Variants in PPP5C observed in about 807,000 individuals in gnomAD.
PPP5C encodes the protein protein phosphatase 5 catalytic subunit.
In PPP5C, 21 loss-of-function variants were observed where a neutral mutation model predicts 66.7. The observed-to-expected ratio is 0.31, with a 90% confidence interval of 0.22 to 0.45. The LOEUF (loss-of-function observed/expected upper bound fraction) is 0.45. Among genes scored for constraint, PPP5C ranks in the 20% least tolerant of loss-of-function variants. The probability of loss-of-function intolerance (pLI) is 1.00; values close to 1 mark genes in which losing one functional copy is unlikely to be tolerated. For synonymous variants in PPP5C, 246 were observed against 257.4 expected, an observed-to-expected ratio of 0.96 and a Z score of 0.43; for missense variants, 464 against 675.9, an observed-to-expected ratio of 0.69 and a Z score of 3.48.
Position 46,369,633 on chromosome 19 carries a change from A to AG in PPP5C, c.364-5971_364-5970insG, listed in dbSNP as rs1220033470. Reference sequence around the variant, plus strand: ...GGTGACAGGGCGAGACTCTGTCTCAAAAAAAAAAAAAAGGCCAGGCATGGT... The same window carrying AG: ...GGTGACAGGGCGAGACTCTGTCTCAAGAAAAAAAAAAAAGGCCAGGCATGGT... On this transcript the variant is annotated intron_variant, in intron 2 of 12. Coordinates refer to ENST00000012443, the MANE Select transcript of PPP5C (RefSeq NM_006247.4). 4.2e-5 allele frequency among the ~76,000 whole-genome samples: 6 copies of AG among 141,782 alleles called. No individual in the cohort carries two copies. The East Asian group carries it at 1.2e-3, about 28-fold the overall frequency. 93.0% of individuals were successfully genotyped at this position (141,782 alleles called of 152,430 possible). A position where few individuals can be genotyped will look rare whatever the true frequency, so the allele number is the denominator to read the frequency against.
At chr19:46,371,998 T>G (rs945099837) in intron 2 of PPP5C, among the ~76,000 whole-genome samples, 13 of 152,186 alleles carry the variant, frequency 8.5e-5, no homozygotes, top group Admixed American at 8.5e-4. Context: ...CTGGTAAGTT[T>G]GGGCAGCTCG....
At chr19:46,364,922 C>CG (rs1465680818) in intron 2 of PPP5C, among the ~76,000 whole-genome samples, 1 of 125,214 alleles carries the variant, frequency 8.0e-6, no homozygotes, top group Non-Finnish European at 1.7e-5. Flanking sequence ...GTTTCGGGGC[C>CG]GGGGCGGGGG....
Position 46,376,429 on chromosome 19 carries a change from C to T in PPP5C, c.512-24C>T, listed in dbSNP as rs1193468368. 4 of 1,610,706 alleles carry T rather than the reference C, an allele frequency of 2.5e-6. No homozygotes were observed. Among genetic ancestry groups the T allele is most frequent in the African/African-American group, 1.3e-5 (1 of 74,840 alleles). ...CATAGTGGCTGTGGTCACTGACTCT[C>T]GTGTCCCGTTGTTCACACCCTAGCC... On this transcript the variant is annotated intron_variant, in intron 3 of 12. Coordinates refer to ENST00000012443, the MANE Select transcript of PPP5C (RefSeq NM_006247.4). The surrounding 1 kb of genome is among the most constrained non-coding windows in gnomAD (Gnocchi z 5.1).
At chr19:46,355,107 A>G (rs1456381500) in intron 2 of PPP5C, among the ~76,000 whole-genome samples, 1 of 152,196 alleles carries the variant, frequency 6.6e-6, no homozygotes, top group Non-Finnish European at 1.5e-5. Context: ...AGTGACCCCC[A>G]CCTGGTTAGT....
intron 1 of PPP5C, among the ~76,000 whole-genome samples, chr19:46,348,189 A>G (rs1972118563): frequency 6.6e-6 from 1 of 152,036 alleles, no homozygotes; most frequent in South Asian, 2.1e-4. Context: ...GGGGAATGAA[A>G]GGGTACTGGC....
In PPP5C at chr19:46,376,378, C is replaced by A; in HGVS notation, c.512-75C>A. 6.4e-7 allele frequency: 1 copy of A among 1,565,372 alleles called. No individual in the cohort carries two copies. The highest frequency in any genetic ancestry group is 8.7e-7 in the Non-Finnish European group (1 of 1,149,340). The stretch of plus-strand genomic sequence containing the variant: ...TGTCCACACCCAAGTTTTCCCCATC[C>A]CTGGGAGCGAGACCCCCTTCTCCCT... On this transcript the variant is annotated intron_variant, in intron 3 of 12. Coordinates refer to ENST00000012443, the MANE Select transcript of PPP5C (RefSeq NM_006247.4). The surrounding 1 kb of genome is among the most constrained non-coding windows in gnomAD (Gnocchi z 5.1).
At position 46,382,949 on chromosome 19, in the gene PPP5C, T is replaced by A. The variant is rs951541086; in HGVS notation, c.634-462T>A. 21 of 1,089,050 alleles carry A rather than the reference T, an allele frequency of 1.9e-5. No homozygotes were observed. The South Asian group carries it at 5.2e-4, about 27-fold the overall frequency. 67.5% of individuals were successfully genotyped at this position (1,089,050 alleles called of 1,614,324 possible). Reference sequence around the variant, plus strand: ...CCCAGCTCTCCCCAAAACATCCTTTTTAGCTGCTTTTAAAAAATTCAGCGT... The same window carrying A: ...CCCAGCTCTCCCCAAAACATCCTTTATAGCTGCTTTTAAAAAATTCAGCGT... On this transcript the variant is annotated intron_variant, in intron 4 of 12. Transcript: ENST00000012443.
intron 2 of PPP5C, among the ~76,000 whole-genome samples, chr19:46,356,741 TGGAG>T (rs1392327588): frequency 2.6e-5 from 4 of 152,374 alleles, no homozygotes; most frequent in Admixed American, 6.5e-5. Context: ...GTTCATTGTT[TGGAG>T]GAAGTGTGTA....
chr19:46,368,384 C>A (rs1972526745), intron 2 of PPP5C, among the ~76,000 whole-genome samples: 1 of 152,250 alleles, frequency 6.6e-6, no homozygotes, highest in Non-Finnish European at 1.5e-5. Flanking sequence ...TTCTCCATCC[C>A]TGTCCGTAAG....
intron 2 of PPP5C, among the ~76,000 whole-genome samples, chr19:46,354,668 G>T (rs578168482): frequency 1.3e-5 from 2 of 152,036 alleles, no homozygotes; most frequent in African/African-American, 4.8e-5. Flanking sequence ...GTGGTGGCAC[G>T]CACCTTTAGT....
chr19:46,390,601 T>C lies in PPP5C; in HGVS notation c.*255T>C. ...CTGGGGGCACAGCCTGGGCATTCTG[T>C]GGGGAGGCCGTCCTCGGGGTGGGGT... On this transcript the variant is annotated 3_prime_UTR_variant, in exon 13 of 13. Transcript: ENST00000012443. 1 of 1,338,956 alleles carries C rather than the reference T, an allele frequency of 7.5e-7. No individual in the cohort carries two copies. Among genetic ancestry groups the C allele is most frequent in the Non-Finnish European group, 9.6e-7 (1 of 1,039,624 alleles). The allele number at this position is 1,338,956 out of a possible 1,614,324, so 82.9% of individuals were successfully genotyped here.
chr19:46,347,234 G>C lies in PPP5C; in HGVS notation c.121+17G>C. On this transcript the variant is annotated intron_variant, in intron 1 of 12. Coordinates refer to ENST00000012443, the MANE Select transcript of PPP5C (RefSeq NM_006247.4). ...ACTTCAAAGGTGCGCCCGCCTGGCA[G>C]GGAGGGTGGACAGTGGCCCAGGCTG... The C allele has an allele frequency of 6.3e-7, 1 of 1,597,738 alleles. No homozygotes were observed. Among genetic ancestry groups the C allele is most frequent in the Non-Finnish European group, 8.5e-7 (1 of 1,172,490 alleles).
chr19:46,357,364 A>G (rs1972304752), intron 2 of PPP5C, among the ~76,000 whole-genome samples: 2 of 152,124 alleles, frequency 1.3e-5, no homozygotes, highest in African/African-American at 2.4e-5. Context: ...TGTTTTTTCT[A>G]TTCTCTCAGT....
At chr19:46,379,641 G>T (rs1265915263) in intron 4 of PPP5C, among the ~76,000 whole-genome samples, 1 of 152,006 alleles carries the variant, frequency 6.6e-6, no homozygotes. Flanking sequence ...TTTCTTTTGT[G>T]TGAATCAGGA....
rs1972501687 is a variant in PPP5C, at chr19:46,367,010, A to G, written c.364-8594A>G. ...TAGGTCGTAGGCAGCAAAGTAATCT[A>G]GCACATGCCTCCTCTTAGATCACTT... On this transcript the variant is annotated intron_variant, in intron 2 of 12. Transcript: ENST00000012443. 1.3e-5 allele frequency among the ~76,000 whole-genome samples: 2 copies of G among 152,216 alleles called. 1 individual carries two copies. The highest frequency in any genetic ancestry group is 4.1e-4 in the South Asian group (2 of 4,836).
intron 1 of PPP5C, among the ~76,000 whole-genome samples, chr19:46,351,533 C>G (rs768752664): frequency 1.3e-5 from 2 of 152,240 alleles, no homozygotes; most frequent in African/African-American, 2.4e-5. Context: ...CCTGCAGCCT[C>G]GAGTTAGAGA....
intron 11 of PPP5C, among the ~76,000 whole-genome samples, chr19:46,389,006 CTTAACCACAATATCGTGTTTACACTTT>C (rs1190883024): frequency 7.0e-4 from 107 of 152,232 alleles, no homozygotes; most frequent in African/African-American, 2.4e-3. Context: ...GGATCTTTTT[CTTAACCACAATATCGTGTTTACACTTT>C]TGAGTGCTGG....
intron 2 of PPP5C, among the ~76,000 whole-genome samples, chr19:46,361,152 C>T (rs1284720949): frequency 4.3e-5 from 2 of 46,518 alleles, no homozygotes; most frequent in Admixed American, 4.0e-4. Context: ...TTTTTTGAGA[C>T]GGAGTCTCAC....
Position 46,376,427 on chromosome 19 carries a change from C to G in PPP5C, c.512-26C>G. ...CTCATAGTGGCTGTGGTCACTGACT[C>G]TCGTGTCCCGTTGTTCACACCCTAG... On this transcript the variant is annotated intron_variant, in intron 3 of 12. Coordinates refer to ENST00000012443, the MANE Select transcript of PPP5C (RefSeq NM_006247.4). The surrounding 1 kb of genome is among the most constrained non-coding windows in gnomAD (Gnocchi z 5.1). 6.2e-7 allele frequency: 1 copy of G among 1,610,848 alleles called. No individual in the cohort carries two copies. The highest frequency in any genetic ancestry group is 8.5e-7 in the Non-Finnish European group (1 of 1,178,026).
Sources: allele counts gnomAD v4.1 joint callset (sites outside exome capture counted in the v4.1 genomes callset), GRCh38; gene constraint gnomAD v4.1.1; non-coding constraint Gnocchi (gnomAD v3.1); transcripts MANE v1.5; gene names NCBI Gene and HGNC (gene_info 2026-07-23, HGNC 2026-07-21).